LRPAP1: variants seen among roughly 807,000 people sequenced by gnomAD.
LRPAP1 encodes LDL receptor related protein associated protein 1.
Under a neutral mutation model 39.9 loss-of-function variants are expected in LRPAP1, and 41 were observed. The ratio of observed to expected loss-of-function variants is 1.03; its 90% CI spans 0.80 to 1.33. LRPAP1 has a LOEUF of 1.33. LRPAP1 is among the 40% of genes most tolerant of loss of function. The probability of loss-of-function intolerance (pLI) is 0.00; values close to 1 mark genes in which losing one functional copy is unlikely to be tolerated. For missense variants in LRPAP1, 565 were observed against 482.3 expected, an observed-to-expected ratio of 1.17 and a Z score of -1.61; for synonymous variants, 263 against 212.7, an observed-to-expected ratio of 1.24 and a Z score of -2.06.
chr4:3,515,850 G>C, intron 6 of LRPAP1: 1 of 519,254 alleles, frequency 1.9e-6, no homozygotes, highest in Non-Finnish European at 3.5e-6. Flanking sequence ...CCATCCACAG[G>C]ACCCGCACCA....
At chr4:3,515,838 G>A in intron 6 of LRPAP1, 1 of 490,416 alleles carries the variant, frequency 2.0e-6, no homozygotes, top group Non-Finnish European at 3.7e-6. Flanking sequence ...ACCAACTGTT[G>A]ACCATCCACA....
chr4:3,529,042 C>A (rs1458521943), intron 1 of LRPAP1, among the ~76,000 whole-genome samples: 1 of 152,096 alleles, frequency 6.6e-6, no homozygotes, highest in African/African-American at 2.4e-5. Context: ...TGTCTGCGTG[C>A]GGTGCCTCCT....
chr4:3,530,916 G>A (rs574346561), intron 1 of LRPAP1, among the ~76,000 whole-genome samples: 3 of 152,184 alleles, frequency 2.0e-5, no homozygotes, highest in South Asian at 4.2e-4. Context: ...TCTATTTCGG[G>A]CTCCCCATTC....
At chr4:3,528,840 C>G (rs1730155368) in intron 1 of LRPAP1, among the ~76,000 whole-genome samples, 1 of 152,218 alleles carries the variant, frequency 6.6e-6, no homozygotes, top group Non-Finnish European at 1.5e-5. Context: ...CTGGCGAGTC[C>G]TAGGTGCCCA....
rs781066883 is a variant in LRPAP1, at chr4:3,520,156, G to A, written c.387C>T (p.Asp129=). 27 of 1,614,062 alleles carry A rather than the reference G, an allele frequency of 1.7e-5. No individual in the cohort carries two copies. The highest frequency in any genetic ancestry group is 1.1e-4 in the South Asian group (10 of 91,084). The change falls in exon 3 of 8, where the codon GAC becomes GAT. Residue 129 remains aspartate, a synonymous_variant. Coordinates refer to ENST00000650182, the MANE Select transcript of LRPAP1 (RefSeq NM_002337.4). ...LAKYGLDGKK[D]ARQVTSNSLS... ...GGGAGTTGCTGGTCACCTGCCGAGCGTCCTTCTTTCCGTCCAGACCATACT... is the reference window on the plus strand; with the variant it reads ...GGGAGTTGCTGGTCACCTGCCGAGCATCCTTCTTTCCGTCCAGACCATACT...
intron 5 of LRPAP1, 35 bp downstream of exon 5, chr4:3,517,999 C>T (rs1372276962): frequency 1.3e-6 from 2 of 1,560,714 alleles, no homozygotes; most frequent in Non-Finnish European, 8.7e-7. Context: ...GACGGCCCCA[C>T]CCTCGGGAAC....
chr4:3,520,148 T>C lies in LRPAP1; in HGVS notation c.395A>G (p.Gln132Arg). The C allele has an allele frequency of 1.2e-6, 2 of 1,614,226 alleles. No homozygotes were observed. Among genetic ancestry groups the C allele is most frequent in the South Asian group, 1.1e-5 (1 of 91,088 alleles). ...GCCACTGAGGGAGTTGCTGGTCACCTGCCGAGCGTCCTTCTTTCCGTCCAG... is the reference window on the plus strand; with the variant it reads ...GCCACTGAGGGAGTTGCTGGTCACCCGCCGAGCGTCCTTCTTTCCGTCCAG... ...YGLDGKKDAR[Q>R]VTSNSLSGTQ... Residue 132 changes from glutamine to arginine, a missense_variant, in exon 3 of 8, where the codon CAG (glutamine) becomes CGG (arginine). By Grantham distance (43) the Gln-to-Arg change is conservative. Transcript: ENST00000650182.
In LRPAP1 at chr4:3,516,125, C is replaced by T. The variant is rs762057162; in HGVS notation, c.825G>A (p.Glu275=). The change falls in exon 6 of 8, where the codon GAG becomes GAA. Residue 275 remains glutamate, a synonymous_variant. Coordinates refer to ENST00000650182, the MANE Select transcript of LRPAP1 (RefSeq NM_002337.4). ...GGCCGTGTTTCCTTACCCGGAACGC[C>T]TCCAGCTCCTTGTCCGTGAGGTTGG... ...QSANLTDKEL[E]AFREELKHFE... is the part of the protein sequence containing the mutation. 1.9e-6 allele frequency: 3 copies of T among 1,576,554 alleles called. No homozygotes were observed. The highest frequency in any genetic ancestry group is 2.6e-6 in the Non-Finnish European group (3 of 1,161,016).
chr4:3,524,995 C>G lies in LRPAP1; in HGVS notation c.261G>C (p.Glu87Asp). 6.2e-7 allele frequency: 1 copy of G among 1,614,178 alleles called. No individual in the cohort carries two copies. The highest frequency in any genetic ancestry group is 1.7e-5 in the Admixed American group (1 of 60,026). ...AELHADLKIQ[E>D]RDELAWKKLK... ...GTTTCTTCCAGGCGAGTTCGTCCCT[C>G]TCCTGTATCTTCAGATCAGCGTGGA... is the stretch of plus-strand genomic sequence containing the variant. Residue 87 changes from glutamate (E) to aspartate (D), a missense_variant, in exon 2 of 8, where the codon GAG (glutamate) becomes GAC (aspartate). By Grantham distance (45) the Glu-to-Asp change is conservative. Transcript: ENST00000650182.
intron 1 of LRPAP1, among the ~76,000 whole-genome samples, chr4:3,527,999 G>A (rs569706597): frequency 6.6e-4 from 101 of 152,316 alleles, no homozygotes; most frequent in African/African-American, 2.3e-3. Flanking sequence ...ACAAAAGCCA[G>A]CTCCCTTTCC....
At position 3,532,222 on chromosome 4, in the gene LRPAP1, T is replaced by C; in HGVS notation, c.191A>G (p.Glu64Gly). 6.5e-7 allele frequency: 1 copy of C among 1,550,176 alleles called. No individual in the cohort carries two copies. The highest frequency in any genetic ancestry group is 8.7e-7 in the Non-Finnish European group (1 of 1,146,718). ...FRMEKLNQLW[E>G]KAQRLHLPPV... ...GGCCGCGCTCACTCGCTGGGCCTTC[T>C]CCCACAGCTGGTTCAACTTCTCCAT... Residue 64 changes from glutamate (E) to glycine (G), a missense_variant, in exon 1 of 8, where the codon GAG (glutamate) becomes GGG (glycine). Coordinates refer to ENST00000650182, the MANE Select transcript of LRPAP1 (RefSeq NM_002337.4).
chr4:3,531,215 A>C (rs1730240164), intron 1 of LRPAP1, among the ~76,000 whole-genome samples: 1 of 152,042 alleles, frequency 6.6e-6, no homozygotes, highest in Non-Finnish European at 1.5e-5. Context: ...GGGCCTGTGG[A>C]GCTGATGCCC....
In LRPAP1 at chr4:3,520,078, C is replaced by A. The variant is rs202126851; in HGVS notation, c.465G>T (p.Trp155Cys). ...GCAAACAATCGAAGAGTACCTTGTG[C>A]CACAGCTTTTCCAGCCTGGGGTCAT... is the stretch of plus-strand genomic sequence containing the variant. ...GLDDPRLEKL[W>C]HKAKTSGKFS... The change falls in exon 3 of 8, where the codon TGG becomes TGT. Residue 155 changes from tryptophan (W) to cysteine (C), a missense_variant. Physicochemically the swap from Trp to Cys is radical, Grantham distance 215. Coordinates refer to ENST00000650182, the MANE Select transcript of LRPAP1 (RefSeq NM_002337.4). The A allele has an allele frequency of 3.2e-4, 509 of 1,614,058 alleles. 2 individuals are homozygous for A. The highest frequency in any genetic ancestry group is 6.3e-5 in the Non-Finnish European group (74 of 1,180,002).
rs1348768879 is a variant in LRPAP1, at chr4:3,504,263, G to A, written c.*8711C>T. The A allele has an allele frequency of 6.6e-6, 1 of 152,248 alleles. No individual in the cohort carries two copies. Among genetic ancestry groups the A allele is most frequent in the Non-Finnish European group, 1.5e-5 (1 of 68,054 alleles). The allele number at this position is 152,248 out of a possible 1,614,324, so 9.4% of individuals were successfully genotyped here. ...CTCAGAGGCTTAAGAACCCTCTCCAGGAGGATGATCCATATAACAGCTCTC... is the reference window on the plus strand; with the variant it reads ...CTCAGAGGCTTAAGAACCCTCTCCAAGAGGATGATCCATATAACAGCTCTC... On this transcript the variant is annotated 3_prime_UTR_variant, in exon 8 of 8. Transcript: ENST00000650182.
Position 3,516,250 on chromosome 4 carries a change from A to G in LRPAP1, c.752-52T>C, listed in dbSNP as rs533073117. ...CAGCAGCACCCGGGGTGCACACCAC[A>G]GCCAGCCCCGCGGCAACCACGCTGA... On this transcript the variant is annotated intron_variant, in intron 5 of 7. Coordinates refer to ENST00000650182, the MANE Select transcript of LRPAP1 (RefSeq NM_002337.4). 5 of 1,442,276 alleles carry G rather than the reference A, an allele frequency of 3.5e-6. No individual in the cohort carries two copies. The South Asian group carries it at 4.9e-5, about 14-fold the overall frequency. The allele number at this position is 1,442,276 out of a possible 1,614,324, so 89.3% of individuals were successfully genotyped here.
intron 6 of LRPAP1, 62 bp from the exon 7 acceptor site, chr4:3,514,990 C>G: frequency 6.4e-7 from 1 of 1,571,832 alleles, no homozygotes; most frequent in Admixed American, 1.7e-5. Flanking sequence ...ATCTTGTGGT[C>G]CCGGGTGAAC....
intron 7 of LRPAP1, among the ~76,000 whole-genome samples, chr4:3,514,251 C>G (rs565606685): frequency 1.3e-5 from 2 of 152,268 alleles, no homozygotes; most frequent in African/African-American, 2.4e-5. Context: ...TTAAAAGGCA[C>G]AGATGGGGCT....
In LRPAP1 at chr4:3,519,923, G is replaced by C. The variant is rs945219568; in HGVS notation, c.471+149C>G. The C allele has an allele frequency of 2.3e-5, 19 of 814,858 alleles. No homozygotes were observed. The African/African-American group carries it at 3.1e-4, about 13-fold the overall frequency. 50.5% of individuals were successfully genotyped at this position (814,858 alleles called of 1,614,324 possible). A position where few individuals can be genotyped will look rare whatever the true frequency, so the allele number is the denominator to read the frequency against. On this transcript the variant is annotated intron_variant, in intron 3 of 7. Transcript: ENST00000650182. ...TGAAAAGATTCACAGAATGACAGTG[G>C]AATGGCTTCCTTAGGAAGCCACCGT...
At position 3,505,660 on chromosome 4, in the gene LRPAP1, T is replaced by G. The variant is rs1030428160; in HGVS notation, c.*7314A>C. On this transcript the variant is annotated 3_prime_UTR_variant, in exon 8 of 8. Coordinates refer to ENST00000650182, the MANE Select transcript of LRPAP1 (RefSeq NM_002337.4). ...CTATACCAGCTACCCCAAGACCGTC[T>G]ATACCAGCTACCCCAAGACCGTCTA... Among the ~76,000 whole-genome samples, 11 of 152,152 alleles carry G rather than the reference T, an allele frequency of 7.2e-5. No homozygotes were observed. The highest frequency in any genetic ancestry group is 5.2e-4 in the Admixed American group (8 of 15,288).
Sources: allele counts gnomAD v4.1 joint callset (sites outside exome capture counted in the v4.1 genomes callset), GRCh38; gene constraint gnomAD v4.1.1; transcripts MANE v1.5; gene names NCBI Gene and HGNC (gene_info 2026-07-23, HGNC 2026-07-21).